The following SLC20A1 variants were observed in gnomAD, a reference collection of about 807,000 sequenced individuals.
SLC20A1 encodes the protein solute carrier family 20 member 1.
In SLC20A1, 28 loss-of-function variants were observed where a neutral mutation model predicts 62.7. The observed-to-expected ratio is 0.45, with a 90% CI of 0.33 to 0.61. The LOEUF is 0.61. Ranked by LOEUF, SLC20A1 falls within the 20% of genes least tolerant of loss-of-function variation. The pLI is 0.02. For synonymous variants in SLC20A1, 305 were observed against 302.9 expected, an observed-to-expected ratio of 1.01 and a Z score of -0.07; for missense variants, 673 against 838.6, an observed-to-expected ratio of 0.80 and a Z score of 2.44.
chr2:112,659,642 G>A lies in SLC20A1; in HGVS notation c.1487G>A (p.Ser496Asn). Residue 496 changes from serine (S) to asparagine (N), a missense_variant, in exon 8 of 11, where the codon AGT (serine) becomes AAT (asparagine). Physicochemically the swap from Ser to Asn is conservative, Grantham distance 46. Transcript: ENST00000272542. ...AEMGLGDRKG[S>N]NGSLEEWYDQ... is the part of the protein sequence containing the mutation. Reference sequence around the variant, plus strand: ...ATGGGTCTAGGTGACAGAAAAGGAAGTAATGGCTCTCTAGAAGAATGGTAT... The same window carrying A: ...ATGGGTCTAGGTGACAGAAAAGGAAATAATGGCTCTCTAGAAGAATGGTAT... The A allele has an allele frequency of 6.2e-7, 1 of 1,614,198 alleles. No individual in the cohort carries two copies. The highest frequency in any genetic ancestry group is 8.5e-7 in the Non-Finnish European group (1 of 1,180,028).
intron 3 of SLC20A1, 90 bp downstream of exon 3, chr2:112,647,554 G>A: frequency 6.3e-7 from 1 of 1,577,450 alleles, no homozygotes; most frequent in African/African-American, 1.4e-5. Flanking sequence ...CTAACGTCGA[G>A]GGACAGACCC....
At chr2:112,656,842 TGAA>T (rs983646377) in intron 5 of SLC20A1, among the ~76,000 whole-genome samples, 5 of 152,150 alleles carry the variant, frequency 3.3e-5, no homozygotes, top group African/African-American at 1.2e-4. Flanking sequence ...TCTTCCAAGG[TGAA>T]GAAAGGAAAA....
At chr2:112,649,636 G>T (rs1358539593) in intron 4 of SLC20A1, among the ~76,000 whole-genome samples, 1 of 151,992 alleles carries the variant, frequency 6.6e-6, no homozygotes, top group Non-Finnish European at 1.5e-5. Context: ...AGCATGTTGG[G>T]GATAGGTGGG....
chr2:112,653,211 A>G (rs192714269), intron 5 of SLC20A1: 7 of 270,770 alleles, frequency 2.6e-5, no homozygotes, highest in Middle Eastern at 2.7e-3. Context: ...TGGAGATACT[A>G]TTGTTTCTAA....
At position 112,647,126 on chromosome 2, in the gene SLC20A1, G is replaced by A; in HGVS notation, c.298G>A (p.Gly100Arg). 1 of 1,614,046 alleles carries A rather than the reference G, an allele frequency of 6.2e-7. No individual in the cohort carries two copies. Among genetic ancestry groups the A allele is most frequent in the Non-Finnish European group, 8.5e-7 (1 of 1,179,920 alleles). The part of the protein sequence containing the change: ...IDVEMYNSTQ[G>R]LLMAGSVSAM... ...CGTGGAGATGTACAACTCGACTCAA[G>A]GGCTGCTGATGGCCGGCTCAGTCAG... is the stretch of plus-strand genomic sequence containing the variant. Residue 100 changes from glycine (G) to arginine (R), a missense_variant, in exon 2 of 11, where the codon GGG becomes AGG. Transcript: ENST00000272542.
chr2:112,660,853 T>TTTACG, intron 9 of SLC20A1: 1 of 494,618 alleles, frequency 2.0e-6, no homozygotes, highest in Non-Finnish European at 3.6e-6. Flanking sequence ...TTTATTTGTC[T>TTTACG]TGGGAGCTAA....
intron 4 of SLC20A1, among the ~76,000 whole-genome samples, chr2:112,648,875 T>C (rs1686354800): frequency 6.6e-6 from 1 of 152,264 alleles, no homozygotes; most frequent in African/African-American, 2.4e-5. Context: ...ACTGGGATGC[T>C]TAAATTAGAG....
At chr2:112,650,095 C>G (rs1686395222) in intron 4 of SLC20A1, among the ~76,000 whole-genome samples, 1 of 152,128 alleles carries the variant, frequency 6.6e-6, no homozygotes, top group African/African-American at 2.4e-5. Flanking sequence ...ACCCCATCCC[C>G]AACAACTTTG....
chr2:112,647,549 G>A, intron 3 of SLC20A1, 85 bp downstream of exon 3: 1 of 1,581,626 alleles, frequency 6.3e-7, no homozygotes, highest in South Asian at 1.1e-5. Context: ...GTGTTCTAAC[G>A]TCGAGGGACA....
intron 10 of SLC20A1, 21 bp from the exon 11 acceptor site, chr2:112,662,843 C>T: frequency 6.2e-7 from 1 of 1,611,582 alleles, no homozygotes; most frequent in East Asian, 2.2e-5. Context: ...AACCTGTTTC[C>T]TTGGTCTGCT....
chr2:112,650,508 T>C (rs1300104344), intron 4 of SLC20A1, among the ~76,000 whole-genome samples: 1 of 151,506 alleles, frequency 6.6e-6, no homozygotes, highest in Admixed American at 6.6e-5. Flanking sequence ...TTTTTGTATT[T>C]TTGGTAGAGA....
At chr2:112,660,779 G>T in intron 9 of SLC20A1, 1 of 534,230 alleles carries the variant, frequency 1.9e-6, no homozygotes, top group South Asian at 3.1e-5. Context: ...GGTGGTCTCT[G>T]AAGAAAATGA....
intron 4 of SLC20A1, 159 bp from the exon 5 acceptor site, chr2:112,652,543 T>A: frequency 1.6e-6 from 1 of 612,982 alleles, no homozygotes; most frequent in South Asian, 2.1e-5. Context: ...GTAGGAAGAA[T>A]TCCAGATGCA....
chr2:112,659,389 T>G lies in SLC20A1; in HGVS notation c.1234T>G (p.Leu412Val). Residue 412 changes from leucine to valine, a missense_variant, in exon 8 of 11, where the codon TTA becomes GTA. Transcript: ENST00000272542. ...DCMGDSGDKP[L>V]RRNNSYTSYT... is the part of the protein sequence containing the mutation. Reference sequence around the variant, plus strand: ...CATGGGAGACTCCGGTGACAAACCCTTAAGGCGCAATAATAGCTATACTTC... The same window carrying G: ...CATGGGAGACTCCGGTGACAAACCCGTAAGGCGCAATAATAGCTATACTTC... The G allele has an allele frequency of 6.2e-7, 1 of 1,614,172 alleles. No homozygotes were observed. Among genetic ancestry groups the G allele is most frequent in the Non-Finnish European group, 8.5e-7 (1 of 1,180,026 alleles).
rs559235993 is a variant in SLC20A1 at position 112,659,840 on chromosome 2, A to G, written c.1607+78A>G. The G allele has an allele frequency of 3.9e-6, 5 of 1,288,620 alleles. No individual in the cohort carries two copies. The South Asian group carries it at 4.2e-5, about 11-fold the overall frequency. 79.8% of individuals were successfully genotyped at this position (1,288,620 alleles called of 1,614,324 possible). A position where few individuals can be genotyped will look rare whatever the true frequency, so the allele number is the denominator to read the frequency against. ...CTTGTCACAGGCCTGTGCTTGTGGT[A>G]GTGGTACTCCTAGCATTTACAGGAC... On this transcript the variant is annotated intron_variant, in intron 8 of 10. Transcript: ENST00000272542.
rs774012882 is a variant in SLC20A1 at position 112,652,814 on chromosome 2, A to G, written c.658+16A>G. ...GGAGCACCGTGTAAGTACCTATCAA[A>G]ATATTTAAATGTGAATTTAAAGTTG... On this transcript the variant is annotated intron_variant, in intron 5 of 10. Coordinates refer to ENST00000272542, the MANE Select transcript of SLC20A1 (RefSeq NM_005415.5). 3.1e-6 allele frequency: 5 copies of G among 1,611,768 alleles called. No homozygotes were observed. In the South Asian group the frequency reaches 5.5e-5, roughly 18 times the overall value.
At chr2:112,651,719 T>C (rs1379328313) in intron 4 of SLC20A1, among the ~76,000 whole-genome samples, 3 of 152,226 alleles carry the variant, frequency 2.0e-5, no homozygotes, top group African/African-American at 7.2e-5. Context: ...TCCCATTCTT[T>C]CGGTGTTTGA....
chr2:112,647,544 C>T, intron 3 of SLC20A1, 80 bp downstream of exon 3: 1 of 1,584,728 alleles, frequency 6.3e-7, no homozygotes, highest in Non-Finnish European at 8.7e-7. Context: ...AGGATGTGTT[C>T]TAACGTCGAG....
In SLC20A1 at chr2:112,646,806, C is replaced by CT. The variant is rs1365135662; in HGVS notation, c.-22dup. On this transcript the variant is annotated 5_prime_UTR_variant, in exon 2 of 11. Coordinates refer to ENST00000272542, the MANE Select transcript of SLC20A1 (RefSeq NM_005415.5). ...TGAAAGGCGCTCAGTAGTTCTCTTA[C>CT]TAAACAACCACTACTCCAGAGAATG... 6.4e-7 allele frequency: 1 copy of CT among 1,571,244 alleles called. No individual in the cohort carries two copies. The highest frequency in any genetic ancestry group is 1.4e-5 in the African/African-American group (1 of 73,300).
Sources: allele counts gnomAD v4.1 joint callset (sites outside exome capture counted in the v4.1 genomes callset), GRCh38; gene constraint gnomAD v4.1.1; transcripts MANE v1.5; gene names NCBI Gene and HGNC (gene_info 2026-07-23, HGNC 2026-07-21).